Variants in NCKAP5 observed in about 807,000 individuals in gnomAD.
NCKAP5 encodes nck-associated protein 5.
NCKAP5 carries 92 observed loss-of-function variants against 167.0 expected under a neutral mutation model. The observed-to-expected ratio is 0.55, with a 90% CI of 0.47 to 0.66. The LOEUF (loss-of-function observed/expected upper bound fraction) is 0.66, where lower values mean the gene tolerates loss of function less well. NCKAP5 is among the 30% of genes least tolerant of loss of function. NCKAP5 has a pLI of 0.00. For missense variants in NCKAP5, 2,378 were observed against 2,315.0 expected (o/e 1.03, Z -0.56); for synonymous variants, 891 against 877.4 (o/e 1.02, Z -0.27).
intron 17 of NCKAP5, 86 bp from the exon 18 acceptor site, chr2:132,729,038 G>T (rs1226932304): frequency 6.5e-7 from 1 of 1,550,312 alleles, no homozygotes; most frequent in Non-Finnish European, 8.8e-7. Flanking sequence ...GAGACATTCA[G>T]AAATAATAAA....
intron 5 of NCKAP5, among the ~76,000 whole-genome samples, chr2:133,157,543 T>C (rs2083620633): frequency 6.6e-6 from 1 of 152,212 alleles, no homozygotes; most frequent in Admixed American, 6.5e-5. Flanking sequence ...TTTCACGCTT[T>C]TGTTTGTGGA....
At chr2:133,121,727 G>A (rs886656549) in intron 6 of NCKAP5, among the ~76,000 whole-genome samples, 1 of 151,588 alleles carries the variant, frequency 6.6e-6, no homozygotes, top group Admixed American at 6.6e-5. Context: ...ATGGCTCTGT[G>A]GTCCCACCCT....
chr2:133,609,335 G>A, the NCKAP5 span, among the ~76,000 whole-genome samples: 4 of 152,296 alleles, frequency 2.6e-5, no homozygotes, highest in Middle Eastern at 3.4e-3. Context: ...TTTGTTGAAT[G>A]AATAAACAAT....
intron 15 of NCKAP5, among the ~76,000 whole-genome samples, chr2:132,776,067 T>C (rs563797114): frequency 2.0e-5 from 3 of 152,300 alleles, no homozygotes; most frequent in Admixed American, 1.3e-4. Context: ...TTCAAAGTCA[T>C]ACAGAATTTC....
intron 3 of NCKAP5, among the ~76,000 whole-genome samples, chr2:133,419,098 G>A (rs1490914144): frequency 6.6e-6 from 1 of 152,190 alleles, no homozygotes; most frequent in East Asian, 1.9e-4. Flanking sequence ...TTGGAACTCT[G>A]TTCTTCTGTC....
At chr2:132,805,122 C>T (rs1685331699) in intron 11 of NCKAP5, among the ~76,000 whole-genome samples, 2 of 152,002 alleles carry the variant, frequency 1.3e-5, no homozygotes, top group African/African-American at 4.8e-5. Flanking sequence ...ATAACAGCAA[C>T]AATAATAGCT....
chr2:133,563,900 G>A (rs1210250354), intron 1 of NCKAP5, among the ~76,000 whole-genome samples: 1 of 152,158 alleles, frequency 6.6e-6, no homozygotes, highest in African/African-American at 2.4e-5. Context: ...TTGGGAGGCT[G>A]AGGCAGATGG....
At position 133,353,571 on chromosome 2, in the gene NCKAP5, A is replaced by T. The variant is rs371001234; in HGVS notation, c.70-50461T>A. Among the ~76,000 whole-genome samples the T allele has an allele frequency of 4.6e-5, 7 of 152,324 alleles. No individual in the cohort carries two copies. In the East Asian group the frequency reaches 1.2e-3, roughly 25 times the overall value. The stretch of plus-strand genomic sequence containing the variant: ...GAGACCCATGGCCCTAAGTGGGAAC[A>T]GGCATTTGTTTTTGTACCCAAAAAG... On this transcript the variant is annotated intron_variant, in intron 3 of 19. Transcript: ENST00000409261.
the NCKAP5 span, among the ~76,000 whole-genome samples, chr2:133,576,071 G>C: frequency 6.6e-6 from 1 of 152,224 alleles, no homozygotes; most frequent in Non-Finnish European, 1.5e-5. Flanking sequence ...GTCACAGTAG[G>C]CCTAAAAGGT....
chr2:132,823,669 G>A lies in NCKAP5; in HGVS notation c.808-26940C>T, dbSNP rs572083800. 6.6e-5 allele frequency among the ~76,000 whole-genome samples: 10 copies of A among 151,960 alleles called. No individual in the cohort carries two copies. In the East Asian group the frequency reaches 9.7e-4, roughly 15 times the overall value. ...GAAAAAAAACCCAAGGTATTAAGGCGACAACTAACATGATGAATAGAACAA... is the reference window on the plus strand; with the variant it reads ...GAAAAAAAACCCAAGGTATTAAGGCAACAACTAACATGATGAATAGAACAA... On this transcript the variant is annotated intron_variant, in intron 11 of 19. Transcript: ENST00000409261.
chr2:133,430,552 T>C (rs1690093488), intron 3 of NCKAP5, among the ~76,000 whole-genome samples: 1 of 152,056 alleles, frequency 6.6e-6, no homozygotes, highest in African/African-American at 2.4e-5. Flanking sequence ...TTTTTACATA[T>C]GATGAGAGGT....
At chr2:132,830,632 T>C (rs1687455839) in intron 11 of NCKAP5, among the ~76,000 whole-genome samples, 1 of 152,128 alleles carries the variant, frequency 6.6e-6, no homozygotes, top group Non-Finnish European at 1.5e-5. Context: ...ATCCTGAATA[T>C]TGCTTCCAGC....
At chr2:133,322,030 TTCTAGTTTTTA>T (rs949676504) in intron 3 of NCKAP5, among the ~76,000 whole-genome samples, 6 of 152,332 alleles carry the variant, frequency 3.9e-5, no homozygotes, top group Non-Finnish European at 7.3e-5. Flanking sequence ...ATGTGCATTT[TTCTAGTTTTTA>T]TACATTTCAT....
chr2:133,071,260 T>A (rs2080384687), intron 6 of NCKAP5, among the ~76,000 whole-genome samples: 2 of 152,020 alleles, frequency 1.3e-5, no homozygotes, highest in Non-Finnish European at 2.9e-5. Flanking sequence ...AGAATCACAG[T>A]CAGTGAAACC....
intron 15 of NCKAP5, among the ~76,000 whole-genome samples, chr2:132,780,225 C>T (rs866036068): frequency 2.0e-5 from 3 of 152,184 alleles, no homozygotes; most frequent in African/African-American, 2.4e-5. Context: ...AATCTCGGCT[C>T]GCTGCAAGCT....
chr2:132,779,051 AT>A (rs1374204407), intron 15 of NCKAP5, among the ~76,000 whole-genome samples: 1 of 152,172 alleles, frequency 6.6e-6, no homozygotes, highest in Non-Finnish European at 1.5e-5. Flanking sequence ...AGCATGACTA[AT>A]TTGTCTTTCA....
chr2:132,694,298 T>C (rs1687108009), intron 19 of NCKAP5, among the ~76,000 whole-genome samples: 1 of 152,066 alleles, frequency 6.6e-6, no homozygotes, highest in South Asian at 2.1e-4. Context: ...AATGAAGATA[T>C]ATTTAGAGTA....
the NCKAP5 span, among the ~76,000 whole-genome samples, chr2:133,631,269 C>A: frequency 6.6e-6 from 1 of 152,128 alleles, no homozygotes; most frequent in Non-Finnish European, 1.5e-5. Flanking sequence ...AAAATTTGCA[C>A]ACAGTGTCTC....
chr2:132,785,526 A>G lies in NCKAP5; in HGVS notation c.1285T>C (p.Cys429Arg), dbSNP rs180967974. 6.2e-7 allele frequency: 1 copy of G among 1,610,090 alleles called. No homozygotes were observed. The highest frequency in any genetic ancestry group is 2.2e-5 in the East Asian group (1 of 44,844). The change falls in exon 14 of 20, where the codon TGC becomes CGC. Residue 429 changes from cysteine (C) to arginine (R), a missense_variant. Physicochemically the swap from Cys to Arg is radical, Grantham distance 180 (BLOSUM62 -3). Around this residue, in one of 3 missense-constraint regions of NCKAP5, gnomAD observed 1,049 missense variants for 1,023.4 expected, o/e 1.02. Coordinates refer to ENST00000409261, the MANE Select transcript of NCKAP5 (RefSeq NM_207363.3). Reference sequence around the variant, plus strand: ...TATATTCCTTCATTCGAGTTCATGCAATCTTTATAACCCCATTTGGTTATC... The same window carrying G: ...TATATTCCTTCATTCGAGTTCATGCGATCTTTATAACCCCATTTGGTTATC... The part of the protein sequence containing the change: ...SVITKWGYKD[C>R]MNSNEGIYSP...
Sources: allele counts gnomAD v4.1 joint callset (sites outside exome capture counted in the v4.1 genomes callset), GRCh38; gene constraint gnomAD v4.1.1; regional missense constraint gnomAD v4.1.1; transcripts MANE v1.5; gene names NCBI Gene and HGNC (gene_info 2026-07-23, HGNC 2026-07-21).